Variants in MAMLD1 observed in about 807,000 individuals in gnomAD.
MAMLD1 encodes mastermind-like domain-containing protein 1.
Under a neutral mutation model 45.0 loss-of-function variants are expected in MAMLD1, and 14 were observed. That is an observed-to-expected ratio of 0.31 (90% CI 0.21 to 0.49). The LOEUF (loss-of-function observed/expected upper bound fraction) is 0.49. Ranked by LOEUF, MAMLD1 falls within the 20% of genes least tolerant of loss-of-function variation. The pLI, the probability that MAMLD1 is intolerant of heterozygous loss-of-function variation, is 0.99. For synonymous variants in MAMLD1, 254 were observed against 247.8 expected, an observed-to-expected ratio of 1.02 and a Z score of -0.24; for missense variants, 543 against 603.6, an observed-to-expected ratio of 0.90 and a Z score of 1.05.
At chrX:150,507,469 G>T (rs1557408880) in intron 6 of MAMLD1, among the ~76,000 whole-genome samples, 26 of 112,014 alleles carry the variant, frequency 2.3e-4, no homozygotes. Context: ...TTTGGCCAGG[G>T]ACAGCAGGAC....
rs1381680731 is a variant in MAMLD1 at position 150,394,716 on chromosome X, G to GT, written c.-64+31194dup. Among the ~76,000 whole-genome samples the GT allele has an allele frequency of 8.1e-5, 9 of 110,625 alleles. No individual in the cohort carries two copies. In the South Asian group the frequency reaches 1.1e-3, roughly 14 times the overall value. ...GGGTGCTGATATAAACAGTAATATG[G>GT]TTTTTTTTAATTTTAAATTCCACTT... On this transcript the variant is annotated intron_variant, in intron 1 of 7. Transcript: ENST00000370401.
chrX:150,462,939 C>T (rs1557405698), intron 3 of MAMLD1, 93 bp downstream of exon 3: 2 of 657,381 alleles, frequency 3.0e-6, no homozygotes, highest in East Asian at 6.8e-5. Flanking sequence ...GAGGTCACAC[C>T]ACAAGGTCCT....
At chrX:150,432,049 A>G (rs1449158827) in intron 1 of MAMLD1, among the ~76,000 whole-genome samples, 1 of 109,874 alleles carries the variant, frequency 9.1e-6, no homozygotes, top group Non-Finnish European at 1.9e-5. Flanking sequence ...TATTCCCACT[A>G]GTAGTGTATA....
chrX:150,431,779 C>T (rs1191046454), intron 1 of MAMLD1, among the ~76,000 whole-genome samples: 2 of 109,169 alleles, frequency 1.8e-5, no homozygotes, highest in Non-Finnish European at 3.8e-5. Flanking sequence ...CATGGTATTT[C>T]ACAGTGTATA....
chrX:150,383,150 C>A (rs782212095), intron 1 of MAMLD1, among the ~76,000 whole-genome samples: 6 of 30,663 alleles, frequency 2.0e-4, no homozygotes, highest in Non-Finnish European at 3.1e-4. Context: ...GTGATCCGCC[C>A]GCCTCGGCCT....
intron 1 of MAMLD1, among the ~76,000 whole-genome samples, chrX:150,398,287 G>GAAGAAC (rs2033541525): frequency 3.7e-5 from 3 of 80,423 alleles, no homozygotes; most frequent in African/African-American, 1.5e-4. Flanking sequence ...AGAAGAAGAA[G>GAAGAAC]AAGAAGAAGA....
chrX:150,430,430 G>A (rs1191709615), intron 1 of MAMLD1, among the ~76,000 whole-genome samples: 1 of 108,977 alleles, frequency 9.2e-6, no homozygotes, highest in Non-Finnish European at 1.9e-5. Flanking sequence ...TCTATTCACA[G>A]GGTCTTTCAC....
At chrX:150,503,582 C>A in intron 6 of MAMLD1, 65 bp downstream of exon 6, 1 of 651,354 alleles carries the variant, frequency 1.5e-6, no homozygotes. Context: ...CCCTGCTCAG[C>A]CTGCCCGCCT....
intron 1 of MAMLD1, among the ~76,000 whole-genome samples, chrX:150,363,735 G>C (rs1302813639): frequency 8.9e-6 from 1 of 112,540 alleles, no homozygotes; most frequent in Non-Finnish European, 1.9e-5. Context: ...GCTGGGCTGG[G>C]CGCAGCTCGA....
intron 1 of MAMLD1, among the ~76,000 whole-genome samples, chrX:150,408,581 G>A (rs2034052213): frequency 8.9e-6 from 1 of 112,281 alleles, no homozygotes; most frequent in Non-Finnish European, 1.9e-5. Flanking sequence ...AGAGTCTACT[G>A]CATCTTTCCC....
At chrX:150,425,181 T>C (rs1438921002) in intron 1 of MAMLD1, among the ~76,000 whole-genome samples, 2 of 112,151 alleles carry the variant, frequency 1.8e-5, no homozygotes, top group Non-Finnish European at 3.8e-5. Flanking sequence ...GGGCTACTAC[T>C]ATGAGTAGTG....
chrX:150,435,975 G>A (rs1299568096), intron 1 of MAMLD1, among the ~76,000 whole-genome samples: 1 of 111,896 alleles, frequency 8.9e-6, no homozygotes, highest in Non-Finnish European at 1.9e-5. Flanking sequence ...CACTTATGAA[G>A]CTTAGTTTGG....
intron 4 of MAMLD1, among the ~76,000 whole-genome samples, chrX:150,473,318 C>T (rs1156655897): frequency 8.9e-6 from 1 of 112,351 alleles, no homozygotes; most frequent in Non-Finnish European, 1.9e-5. Flanking sequence ...CCCACTGTGC[C>T]TCCCTCTTCT....
rs781831991 is a variant in MAMLD1, at chrX:150,398,337, AGAAGAGGAAGAGGAAGAG to A, written c.-64+34831_-64+34848del. On this transcript the variant is annotated intron_variant, in intron 1 of 7. Coordinates refer to ENST00000370401, the MANE Select transcript of MAMLD1 (RefSeq NM_005491.5). ...AAGAAGAAGAAGAAGAAGAAGAAGA[AGAAGAGGAAGAGGAAGAG>A]GAAGAGGAAGAGGAAGAGGAAGAAG... Among the ~76,000 whole-genome samples, 52 of 52,314 alleles carry A rather than the reference AGAAGAGGAAGAGGAAGAG, an allele frequency of 9.9e-4. 1 individual carries two copies. The highest frequency in any genetic ancestry group is 9.7e-3 in the Middle Eastern group (1 of 103). The allele number at this position is 52,314 out of a possible 115,157, so 45.4% of individuals were successfully genotyped here.
At chrX:150,447,052 C>G (rs2035512479) in intron 2 of MAMLD1, among the ~76,000 whole-genome samples, 1 of 112,398 alleles carries the variant, frequency 8.9e-6, no homozygotes, top group Non-Finnish European at 1.9e-5. Flanking sequence ...GATCAGTGTA[C>G]AGTTGAATGC....
intron 1 of MAMLD1, among the ~76,000 whole-genome samples, chrX:150,440,942 A>G (rs1226396189): frequency 1.9e-5 from 2 of 104,679 alleles, no homozygotes; most frequent in South Asian, 3.7e-4. Context: ...ATTATTATTT[A>G]TTATTAAAAT....
intron 5 of MAMLD1, among the ~76,000 whole-genome samples, chrX:150,492,823 T>C (rs1557408004): frequency 8.9e-6 from 1 of 112,084 alleles, no homozygotes; most frequent in East Asian, 2.8e-4. Context: ...GAGCAAACCA[T>C]TGGGCCTCTT....
At chrX:150,483,320 C>T (rs1376460481) in intron 5 of MAMLD1, among the ~76,000 whole-genome samples, 1 of 112,460 alleles carries the variant, frequency 8.9e-6, no homozygotes, top group African/African-American at 3.2e-5. Flanking sequence ...GACTTGTCTG[C>T]TTCTCCACTT....
intron 2 of MAMLD1, among the ~76,000 whole-genome samples, chrX:150,454,464 A>T (rs1163289729): frequency 8.9e-6 from 1 of 112,008 alleles, no homozygotes; most frequent in African/African-American, 3.3e-5. Context: ...TTGACATAAA[A>T]TTACTTTATT....
Sources: gnomAD v4.1 joint callset for allele counts (sites outside exome capture counted in the v4.1 genomes callset) on GRCh38, gnomAD v4.1.1 for gene constraint, MANE v1.5 for transcripts, NCBI Gene and HGNC (gene_info 2026-07-23, HGNC 2026-07-21) for gene names.